Variants in GPR158 observed in about 807,000 individuals in gnomAD.
The protein encoded by GPR158 is metabotropic glycine receptor.
GPR158 carries 30 observed loss-of-function variants against 78.2 expected under a neutral mutation model. The ratio of observed to expected loss-of-function variants is 0.38; its 90% confidence interval spans 0.29 to 0.52. The LOEUF is 0.52. Among genes scored for constraint, GPR158 ranks in the 20% least tolerant of loss-of-function variants. The pLI is 0.83. For missense variants in GPR158, 1,463 were observed against 1,523.5 expected (o/e 0.96, Z 0.66); for synonymous variants, 581 against 591.1 (o/e 0.98, Z 0.25).
At chr10:25,465,241 A>G (rs1835406198) in intron 4 of GPR158, among the ~76,000 whole-genome samples, 1 of 152,186 alleles carries the variant, frequency 6.6e-6, no homozygotes, top group South Asian at 2.1e-4. Flanking sequence ...TTTTCCTGTT[A>G]AGATATTTAC....
intron 2 of GPR158, among the ~76,000 whole-genome samples, chr10:25,340,163 A>T (rs1237819280): frequency 6.6e-6 from 1 of 151,992 alleles, no homozygotes; most frequent in Non-Finnish European, 1.5e-5. Context: ...TTCCCTCAGG[A>T]TCTTGGATCC....
intron 1 of GPR158, among the ~76,000 whole-genome samples, chr10:25,205,295 C>A: frequency 7.5e-6 from 1 of 133,784 alleles, no homozygotes; most frequent in African/African-American, 2.8e-5. Context: ...TTTTATTAGT[C>A]TAAATAGTGT....
chr10:25,414,017 A>G (rs182692017), intron 4 of GPR158, among the ~76,000 whole-genome samples: 700 of 152,280 alleles, frequency 4.6e-3, no homozygotes, highest in Middle Eastern at 0.024. Context: ...GTGGCATAGC[A>G]GGTAGAATTG....
intron 7 of GPR158, among the ~76,000 whole-genome samples, chr10:25,577,493 C>G (rs16926125): frequency 0.012 from 1,845 of 152,228 alleles, 38 homozygotes; most frequent in African/African-American, 0.042. Flanking sequence ...CAGCTTTACC[C>G]GTCAAAAACA....
chr10:25,436,755 A>G (rs1179384241), intron 4 of GPR158, among the ~76,000 whole-genome samples: 1 of 152,212 alleles, frequency 6.6e-6, no homozygotes, highest in Admixed American at 6.5e-5. Context: ...CACTTGTACC[A>G]AAACTTCCAA....
chr10:25,223,710 T>G (rs190463254), intron 2 of GPR158, among the ~76,000 whole-genome samples: 90 of 152,304 alleles, frequency 5.9e-4, no homozygotes, highest in African/African-American at 1.9e-3. Flanking sequence ...CTGTGTAAAC[T>G]GGCTTATTTT....
intron 7 of GPR158, among the ~76,000 whole-genome samples, chr10:25,575,470 G>A (rs922585137): frequency 6.6e-6 from 1 of 152,122 alleles, no homozygotes; most frequent in African/African-American, 2.4e-5. Flanking sequence ...CTGGGGACTT[G>A]TTAGAAATGC....
At chr10:25,257,377 A>C (rs1564404122) in intron 2 of GPR158, among the ~76,000 whole-genome samples, 1 of 152,212 alleles carries the variant, frequency 6.6e-6, no homozygotes, top group Admixed American at 6.5e-5. Flanking sequence ...AAACCATAGG[A>C]ATGCCTCTTA....
At chr10:25,224,072 C>A (rs552886583) in intron 2 of GPR158, among the ~76,000 whole-genome samples, 2 of 152,232 alleles carry the variant, frequency 1.3e-5, no homozygotes, top group South Asian at 4.1e-4. Context: ...AGAAAATAAT[C>A]TCTCAGTGAG....
chr10:25,433,582 T>C (rs868864613), intron 4 of GPR158, among the ~76,000 whole-genome samples: 17 of 116,556 alleles, frequency 1.5e-4, no homozygotes, highest in Admixed American at 4.1e-4. Context: ...CGCGCGCGCG[T>C]GCGCGTGCGC....
intron 2 of GPR158, among the ~76,000 whole-genome samples, chr10:25,341,132 C>T (rs980188731): frequency 6.6e-6 from 1 of 151,906 alleles, no homozygotes; most frequent in Non-Finnish European, 1.5e-5. Flanking sequence ...GAAATAAACT[C>T]ATTTTCAGAC....
chr10:25,413,138 T>C (rs1192117023), intron 4 of GPR158, among the ~76,000 whole-genome samples: 1 of 151,600 alleles, frequency 6.6e-6, no homozygotes, highest in Non-Finnish European at 1.5e-5. Context: ...CTGACCAACA[T>C]AGCAAGACCC....
At chr10:25,357,839 A>C (rs1366353224) in intron 2 of GPR158, among the ~76,000 whole-genome samples, 1 of 152,102 alleles carries the variant, frequency 6.6e-6, no homozygotes, top group Non-Finnish European at 1.5e-5. Flanking sequence ...GAGGGCCACC[A>C]TAGTCCAGAT....
intron 2 of GPR158, among the ~76,000 whole-genome samples, chr10:25,379,201 T>C (rs1834123372): frequency 6.6e-6 from 1 of 152,250 alleles, no homozygotes; most frequent in Non-Finnish European, 1.5e-5. Context: ...TTTACTCGCA[T>C]ATTTACTTTC....
In GPR158 at chr10:25,360,675, G is replaced by C. The variant is rs577782924; in HGVS notation, c.1009-35236G>C. Among the ~76,000 whole-genome samples, 3 of 152,192 alleles carry C rather than the reference G, an allele frequency of 2.0e-5. No individual in the cohort carries two copies. In the South Asian group the frequency reaches 6.2e-4, roughly 32 times the overall value. Reference sequence around the variant, plus strand: ...TTCATTATTGTAGCCTTGTAGTATTGTTTGAAGTCAGGTAGCGTGATGCTT... The same window carrying C: ...TTCATTATTGTAGCCTTGTAGTATTCTTTGAAGTCAGGTAGCGTGATGCTT... On this transcript the variant is annotated intron_variant, in intron 2 of 10. Transcript: ENST00000376351.
At chr10:25,570,044 T>C (rs966618980) in intron 6 of GPR158, among the ~76,000 whole-genome samples, 1 of 152,192 alleles carries the variant, frequency 6.6e-6, no homozygotes, top group Non-Finnish European at 1.5e-5. Context: ...TCAGGTTCTC[T>C]CTGGAGAATG....
chr10:25,273,819 A>G (rs564638286), intron 2 of GPR158, among the ~76,000 whole-genome samples: 10 of 152,068 alleles, frequency 6.6e-5, no homozygotes, highest in Admixed American at 3.9e-4. Flanking sequence ...AGCTGGGACT[A>G]TAGATGCGCG....
chr10:25,256,184 A>C (rs955553725), intron 2 of GPR158, among the ~76,000 whole-genome samples: 1 of 152,168 alleles, frequency 6.6e-6, no homozygotes, highest in African/African-American at 2.4e-5. Context: ...AAAAAAAAAA[A>C]ACCTTTATGC....
intron 1 of GPR158, among the ~76,000 whole-genome samples, chr10:25,215,652 T>G (rs1027633737): frequency 6.6e-6 from 1 of 151,986 alleles, no homozygotes; most frequent in Admixed American, 6.5e-5. Flanking sequence ...CTGGCCAACA[T>G]AGTGAAACCC....
Sources: allele counts gnomAD v4.1 joint callset (sites outside exome capture counted in the v4.1 genomes callset), GRCh38; gene constraint gnomAD v4.1.1; transcripts MANE v1.5; gene names NCBI Gene and HGNC (gene_info 2026-07-23, HGNC 2026-07-21).